IGFL3: variants seen among roughly 807,000 people sequenced by gnomAD.
The protein encoded by IGFL3 is insulin growth factor-like family member 3.
Under a neutral mutation model 17.0 loss-of-function variants are expected in IGFL3, and 12 were observed. The observed-to-expected ratio is 0.71, with a 90% CI of 0.45 to 1.14. The LOEUF (loss-of-function observed/expected upper bound fraction) is 1.14, where lower values mean the gene tolerates loss of function less well. Ranked by LOEUF, IGFL3 falls within the 50% of genes most tolerant of loss-of-function variation. The pLI, the probability that IGFL3 is intolerant of heterozygous loss-of-function variation, is 0.00. For synonymous variants in IGFL3, 52 were observed against 57.4 expected (o/e 0.91, Z 0.42); for missense variants, 153 against 151.6 (o/e 1.01, Z -0.05).
At chr19:46,122,507 G>A (rs1223992998) in intron 3 of IGFL3, among the ~76,000 whole-genome samples, 1 of 150,880 alleles carries the variant, frequency 6.6e-6, no homozygotes, top group Non-Finnish European at 1.5e-5. Context: ...CCTTTTTGTT[G>A]TTTGTTTTCC....
In IGFL3 at chr19:46,120,248, G is replaced by C; in HGVS notation, c.*82C>G. 6.3e-7 allele frequency: 1 copy of C among 1,592,852 alleles called. No homozygotes were observed. The highest frequency in any genetic ancestry group is 1.1e-5 in the South Asian group (1 of 88,860). ...CTCTGAAGTCAAGTTGCTTCTCTCC[G>C]AAGTTCAACTGTAGTCTCCGATGTC... On this transcript the variant is annotated 3_prime_UTR_variant, in exon 4 of 4. Transcript: ENST00000341415.
At chr19:46,123,493 A>G (rs1331982982) in intron 3 of IGFL3, among the ~76,000 whole-genome samples, 2 of 150,936 alleles carry the variant, frequency 1.3e-5, no homozygotes, top group Non-Finnish European at 2.9e-5. Flanking sequence ...GCCACTTTTG[A>G]CCAATTGTTC....
Position 46,123,271 on chromosome 19 carries a change from G to T in IGFL3, c.350+615C>A, listed in dbSNP as rs765614587. On this transcript the variant is annotated intron_variant, in intron 3 of 3. Transcript: ENST00000341415. ...TCCTCTCACTGCAGTTTTTCTCCAGGTATCTTACTGATTTCAGATAGAATT... is the reference window on the plus strand; with the variant it reads ...TCCTCTCACTGCAGTTTTTCTCCAGTTATCTTACTGATTTCAGATAGAATT... Among the ~76,000 whole-genome samples the T allele has an allele frequency of 4.4e-4, 67 of 150,614 alleles. 1 individual carries two copies. The highest frequency in any genetic ancestry group is 7.8e-4 in the Non-Finnish European group (53 of 67,910).
At chr19:46,120,750 C>T (rs1411804852) in intron 3 of IGFL3, among the ~76,000 whole-genome samples, 4 of 150,880 alleles carry the variant, frequency 2.7e-5, no homozygotes, top group South Asian at 2.1e-4. Context: ...TTGGTTATTG[C>T]ATAGCATGAT....
In IGFL3 at chr19:46,124,624, C is replaced by T. The variant is rs750393688; in HGVS notation, c.25+1G>A. On this transcript the variant is annotated splice_donor_variant, in intron 1 of 3. Transcript: ENST00000341415. LOFTEE classifies it high-confidence loss of function. ...ATGTTTGGATTTGGGGTCCTACTTG[C>T]CCAAGATGCAGCATCGTGGCCTCAT... is the stretch of plus-strand genomic sequence containing the variant. 1 of 1,608,372 alleles carries T rather than the reference C, an allele frequency of 6.2e-7. No individual in the cohort carries two copies. The highest frequency in any genetic ancestry group is 8.5e-7 in the Non-Finnish European group (1 of 1,177,220).
At chr19:46,121,635 A>G (rs144977506) in intron 3 of IGFL3, among the ~76,000 whole-genome samples, 2 of 150,818 alleles carry the variant, frequency 1.3e-5, no homozygotes, top group African/African-American at 2.5e-5. Context: ...CGTGACGACT[A>G]TCTGAGGTTA....
rs781291751 is a variant in IGFL3 at position 46,120,353 on chromosome 19, TGTTCCTATCACAG to T, written c.351-9_354del. On this transcript the variant is annotated splice_acceptor_variant and splice_polypyrimidine_tract_variant and coding_sequence_variant and intron_variant, in exon 4 of 4. Transcript: ENST00000341415. LOFTEE classifies it high-confidence loss of function. ...TTTTATGGGTACAGGACGTGCCTCC[TGTTCCTATCACAG>T]TGCCCCAAATCAAAGTGTCTTAACA... The T allele has an allele frequency of 5.6e-6, 9 of 1,611,220 alleles. No homozygotes were observed. The Admixed American group carries it at 1.5e-4, about 27-fold the overall frequency.
chr19:46,123,838 T>C (rs981110469), intron 3 of IGFL3, 48 bp downstream of exon 3: 7 of 1,552,438 alleles, frequency 4.5e-6, no homozygotes, highest in Non-Finnish European at 6.1e-6. Context: ...TCTGTATCCC[T>C]CATCCCTCCC....
intron 1 of IGFL3, 85 bp from the exon 2 acceptor site, chr19:46,124,406 A>C (rs1166002660): frequency 7.0e-7 from 1 of 1,435,152 alleles, no homozygotes; most frequent in African/African-American, 1.4e-5. Flanking sequence ...AACAGAGGTT[A>C]GGGTGGTTTA....
In IGFL3 at chr19:46,124,656, A is replaced by T; in HGVS notation, c.-7T>A. On this transcript the variant is annotated 5_prime_UTR_variant, in exon 1 of 4. Transcript: ENST00000341415. Reference sequence around the variant, plus strand: ...TGCAGCATCGTGGCCTCATGCTTCCAAAGATGCTCTAGGAGAATTGAAGAA... The same window carrying T: ...TGCAGCATCGTGGCCTCATGCTTCCTAAGATGCTCTAGGAGAATTGAAGAA... 1 of 1,607,988 alleles carries T rather than the reference A, an allele frequency of 6.2e-7. No individual in the cohort carries two copies. The highest frequency in any genetic ancestry group is 8.5e-7 in the Non-Finnish European group (1 of 1,176,806).
intron 3 of IGFL3, among the ~76,000 whole-genome samples, chr19:46,122,555 A>G (rs547516439): frequency 6.6e-6 from 1 of 151,198 alleles, no homozygotes; most frequent in South Asian, 2.1e-4. Flanking sequence ...TTAGAAAATG[A>G]CAGATTTTTT....
Position 46,124,015 on chromosome 19 carries a change from G to T in IGFL3, c.221C>A (p.Thr74Asn). ...GCAGAGCTCAAAGCAGGGCCAGAAG[G>T]TGCAGGTGGAGCCACAGCGGCGGGT... is the stretch of plus-strand genomic sequence containing the variant. ...KETRRCGSTC[T>N]FWPCFELCCP... The change falls in exon 3 of 4, where the codon ACC becomes AAC. Residue 74 changes from threonine (T) to asparagine (N), a missense_variant. By Grantham distance (65) the Thr-to-Asn change is moderately conservative. Transcript: ENST00000341415. The T allele has an allele frequency of 6.2e-7, 1 of 1,611,566 alleles. No individual in the cohort carries two copies. The highest frequency in any genetic ancestry group is 2.3e-5 in the East Asian group (1 of 44,430).
At chr19:46,121,915 A>G (rs905417700) in intron 3 of IGFL3, among the ~76,000 whole-genome samples, 1 of 150,996 alleles carries the variant, frequency 6.6e-6, no homozygotes, top group East Asian at 2.0e-4. Context: ...TTTCTTTTTT[A>G]ATGAAATTTA....
chr19:46,121,489 T>G (rs1343663950), intron 3 of IGFL3, among the ~76,000 whole-genome samples: 1 of 150,140 alleles, frequency 6.7e-6, no homozygotes, highest in African/African-American at 2.5e-5. Flanking sequence ...CTTCCCAAGA[T>G]GCATCTCAAC....
intron 3 of IGFL3, among the ~76,000 whole-genome samples, chr19:46,121,877 G>A (rs1414071903): frequency 6.6e-6 from 1 of 150,872 alleles, no homozygotes; most frequent in Non-Finnish European, 1.5e-5. Context: ...ACTGATAATG[G>A]TAAGGTTGCA....
intron 3 of IGFL3, among the ~76,000 whole-genome samples, chr19:46,121,791 A>G (rs1971789906): frequency 6.6e-6 from 1 of 151,030 alleles, no homozygotes; most frequent in Non-Finnish European, 1.5e-5. Flanking sequence ...GCAAGTGCGG[A>G]GCTGACTGCA....
At position 46,121,652 on chromosome 19, in the gene IGFL3, C is replaced by T. The variant is rs538098132; in HGVS notation, c.351-1295G>A. 1.3e-3 allele frequency among the ~76,000 whole-genome samples: 199 copies of T among 150,544 alleles called. 5 individuals are homozygous for T. The highest frequency in any genetic ancestry group is 2.2e-3 in the Admixed American group (33 of 15,104). Reference sequence around the variant, plus strand: ...TGACGACTATCTGAGGTTAGTGTCACGTGAGTAGTAAAAAGAATTCACCAA... The same window carrying T: ...TGACGACTATCTGAGGTTAGTGTCATGTGAGTAGTAAAAAGAATTCACCAA... On this transcript the variant is annotated intron_variant, in intron 3 of 3. Transcript: ENST00000341415.
In IGFL3 at chr19:46,124,084, G is replaced by A; in HGVS notation, c.152C>T (p.Ser51Leu). The change falls in exon 3 of 4, where the codon TCA becomes TTA. Residue 51 changes from serine (S) to leucine (L), a missense_variant. By Grantham distance (145) the Ser-to-Leu change is moderately radical. Coordinates refer to ENST00000341415, the MANE Select transcript of IGFL3 (RefSeq NM_207393.2). ...GGCATCATCATAACAGCACTGCTCTGAAGGGTTGTAGATCTTGTTCCCACA... is the reference window on the plus strand; with the variant it reads ...GGCATCATCATAACAGCACTGCTCTAAAGGGTTGTAGATCTTGTTCCCACA... Reference protein sequence around the residue: ...PRCGNKIYNPSEQCCYDDAIL... With the variant: ...PRCGNKIYNPLEQCCYDDAIL... 6.2e-7 allele frequency: 1 copy of A among 1,611,610 alleles called. No homozygotes were observed. The highest frequency in any genetic ancestry group is 8.5e-7 in the Non-Finnish European group (1 of 1,179,670).
intron 3 of IGFL3, among the ~76,000 whole-genome samples, chr19:46,121,204 C>T (rs565154736): frequency 1.4e-4 from 21 of 148,856 alleles, no homozygotes; most frequent in Non-Finnish European, 2.5e-4. Context: ...ATAATGAAAA[C>T]CTGTCTCTAC....
Sources: allele counts gnomAD v4.1 joint callset (sites outside exome capture counted in the v4.1 genomes callset), GRCh38; gene constraint gnomAD v4.1.1; transcripts MANE v1.5; gene names NCBI Gene and HGNC (gene_info 2026-07-23, HGNC 2026-07-21).